Variants in ADAM19 observed in about 807,000 individuals in gnomAD.
ADAM19 encodes disintegrin and metalloproteinase domain-containing protein 19.
A neutral mutation model predicts 114.7 loss-of-function variants in ADAM19; 65 were observed. The observed-to-expected ratio is 0.57, with a 90% CI of 0.46 to 0.70. ADAM19 has a LOEUF of 0.70. Ranked by LOEUF, ADAM19 falls within the 30% of genes least tolerant of loss-of-function variation. ADAM19 has a pLI of 0.00. For synonymous variants in ADAM19, 466 were observed against 460.5 expected, an observed-to-expected ratio of 1.01 and a Z score of -0.15; for missense variants, 1,063 against 1,204.7, an observed-to-expected ratio of 0.88 and a Z score of 1.74.
intron 3 of ADAM19, among the ~76,000 whole-genome samples, chr5:157,541,323 G>A (rs1756912408): frequency 1.3e-5 from 2 of 152,208 alleles, no homozygotes; most frequent in African/African-American, 4.8e-5. Context: ...AGAAAGGACT[G>A]TGCAAGATTT....
intron 14 of ADAM19, among the ~76,000 whole-genome samples, chr5:157,495,883 C>T (rs1412622633): frequency 2.0e-5 from 3 of 151,154 alleles, no homozygotes; most frequent in African/African-American, 7.3e-5. Flanking sequence ...ATCCACCTGC[C>T]TTGGCCTCCC....
intron 2 of ADAM19, among the ~76,000 whole-genome samples, chr5:157,565,057 G>A (rs1380408958): frequency 6.6e-6 from 1 of 152,116 alleles, no homozygotes; most frequent in Non-Finnish European, 1.5e-5. Flanking sequence ...CTCAGAGGAA[G>A]CAACTAAGAG....
At chr5:157,490,931 AGATTT>A (rs1402921360) in intron 18 of ADAM19, among the ~76,000 whole-genome samples, 4 of 151,850 alleles carry the variant, frequency 2.6e-5, no homozygotes, top group Non-Finnish European at 5.9e-5. Flanking sequence ...AGACTCAGAC[AGATTT>A]AAGACTAGAC....
intron 16 of ADAM19, 66 bp from the exon 17 acceptor site, chr5:157,491,978 A>G: frequency 6.5e-7 from 1 of 1,541,606 alleles, no homozygotes; most frequent in African/African-American, 1.4e-5. Flanking sequence ...TTAGGAGGCA[A>G]GATTTTGCAC....
rs78785601 is a variant in ADAM19, at chr5:157,487,459, C to G, written c.2550+806G>C. Among the ~76,000 whole-genome samples, 1,236 of 152,284 alleles carry G rather than the reference C, an allele frequency of 8.1e-3. 10 individuals carry two copies. The highest frequency in any genetic ancestry group is 0.027 in the African/African-American group (1,140 of 41,554). On this transcript the variant is annotated intron_variant, in intron 21 of 22. Coordinates refer to ENST00000257527, the MANE Select transcript of ADAM19 (RefSeq NM_033274.5). Reference sequence around the variant, plus strand: ...TTCCATGGAGCCCTCTGGATTACACCCAGAGAAAGCAGTCTCAGTTGAGGG... The same window carrying G: ...TTCCATGGAGCCCTCTGGATTACACGCAGAGAAAGCAGTCTCAGTTGAGGG...
At position 157,527,793 on chromosome 5, in the gene ADAM19, G is replaced by A. The variant is rs538799030; in HGVS notation, c.407+3014C>T. On this transcript the variant is annotated intron_variant, in intron 5 of 22. Transcript: ENST00000257527. ...GGGGGAAAATCTGGAAATCTGGGGT[G>A]AGAAAGAGATGTTATCTTTCATTGT... Among the ~76,000 whole-genome samples the A allele has an allele frequency of 5.3e-5, 8 of 152,316 alleles. No homozygotes were observed. In the East Asian group the frequency reaches 1.5e-3, roughly 29 times the overall value.
chr5:157,492,925 C>A, intron 16 of ADAM19, 48 bp downstream of exon 16: 1 of 1,599,062 alleles, frequency 6.3e-7, no homozygotes, highest in Non-Finnish European at 8.6e-7. Context: ...ACTTCTCAAT[C>A]ACTCTGCTCT....
Position 157,532,491 on chromosome 5 carries a change from C to T in ADAM19, c.331-1608G>A, listed in dbSNP as rs79785074. Among the ~76,000 whole-genome samples the T allele has an allele frequency of 6.4e-4, 97 of 152,278 alleles. 3 individuals carry two copies. In the East Asian group the frequency reaches 0.017, roughly 26 times the overall value. On this transcript the variant is annotated intron_variant, in intron 4 of 22. Transcript: ENST00000257527. ...GGGGTGAAATCAGGACGGTGTCCAA[C>T]GAATCAGGGGTAACAACAAGAGACA...
Position 157,575,769 on chromosome 5 carries a change from C to T in ADAM19, c.-73G>A. On this transcript the variant is annotated 5_prime_UTR_variant, in exon 1 of 23. Transcript: ENST00000257527. ...CCTGCCCACTGCCCGGCGGTGGAGG[C>T]GCGTCTGGAACCCCCCGGCTCGCCC... 2.6e-6 allele frequency: 3 copies of T among 1,140,026 alleles called. No individual in the cohort carries two copies. The highest frequency in any genetic ancestry group is 3.8e-5 in the South Asian group (1 of 26,410). 70.6% of individuals were successfully genotyped at this position (1,140,026 alleles called of 1,614,324 possible).
At chr5:157,523,516 A>T (rs1447092200) in intron 5 of ADAM19, among the ~76,000 whole-genome samples, 1 of 152,080 alleles carries the variant, frequency 6.6e-6, no homozygotes, top group Non-Finnish European at 1.5e-5. Flanking sequence ...GCTGGTTATT[A>T]AAAAGAGCCT....
At chr5:157,483,676 C>A (rs980709872) in intron 21 of ADAM19, among the ~76,000 whole-genome samples, 1 of 151,816 alleles carries the variant, frequency 6.6e-6, no homozygotes, top group Admixed American at 6.6e-5. Context: ...CTCTGTCCCC[C>A]AGGCTGGAGT....
chr5:157,571,111 C>A (rs995979721), intron 1 of ADAM19, 131 bp from the exon 2 acceptor site: 8 of 702,180 alleles, frequency 1.1e-5, no homozygotes, highest in Non-Finnish European at 1.7e-5. Flanking sequence ...GCTCTTGGCA[C>A]TTCCTAGGAA....
In ADAM19 at chr5:157,508,856, C is replaced by G. The variant is rs546598225; in HGVS notation, c.905+445G>C. ...CACTTGGACTCTCTCAAGCACTCAG[C>G]CTTGTGCCCCTTGGGAACCAAGTGA... On this transcript the variant is annotated intron_variant, in intron 9 of 22. Transcript: ENST00000257527. 8.8e-4 allele frequency among the ~76,000 whole-genome samples: 134 copies of G among 152,306 alleles called. 1 individual carries two copies. Among genetic ancestry groups the G allele is most frequent in the Non-Finnish European group, 8.1e-4 (55 of 68,030 alleles).
chr5:157,542,817 T>C (rs147713953), intron 3 of ADAM19, among the ~76,000 whole-genome samples: 2 of 152,246 alleles, frequency 1.3e-5, no homozygotes, highest in East Asian at 3.9e-4. Context: ...AACATTAAAT[T>C]AAAAAACACT....
chr5:157,570,301 AAC>A (rs199878295), intron 2 of ADAM19: 6 of 147,550 alleles, frequency 4.1e-5, no homozygotes, highest in South Asian at 2.2e-4. Context: ...AAAAACAAAA[AAC>A]AAAAACCAGA....
At chr5:157,567,546 C>T (rs1236576630) in intron 2 of ADAM19, among the ~76,000 whole-genome samples, 1 of 152,138 alleles carries the variant, frequency 6.6e-6, no homozygotes, top group Admixed American at 6.5e-5. Context: ...GCCTGTAATC[C>T]CAACACTTTG....
At chr5:157,512,820 G>A (rs972181239) in intron 8 of ADAM19, among the ~76,000 whole-genome samples, 8 of 152,132 alleles carry the variant, frequency 5.3e-5, no homozygotes, top group East Asian at 1.9e-4. Context: ...CAGACAATCC[G>A]CTTCTCAAGC....
chr5:157,567,119 G>A (rs756254718), intron 2 of ADAM19, among the ~76,000 whole-genome samples: 3 of 152,138 alleles, frequency 2.0e-5, no homozygotes, highest in Non-Finnish European at 4.4e-5. Flanking sequence ...AGCCTACCTC[G>A]TCTAAGCACA....
At position 157,477,393 on chromosome 5, in the gene ADAM19, G is replaced by A; in HGVS notation, c.*3556C>T. The A allele has an allele frequency of 9.8e-7, 1 of 1,016,204 alleles. No homozygotes were observed. Among genetic ancestry groups the A allele is most frequent in the Non-Finnish European group, 1.2e-6 (1 of 846,758 alleles). 62.9% of individuals were successfully genotyped at this position (1,016,204 alleles called of 1,614,324 possible). A position where few individuals can be genotyped will look rare whatever the true frequency, so the allele number is the denominator to read the frequency against. On this transcript the variant is annotated 3_prime_UTR_variant, in exon 23 of 23. Coordinates refer to ENST00000257527, the MANE Select transcript of ADAM19 (RefSeq NM_033274.5). Reference sequence around the variant, plus strand: ...GCCCATTCAAGTATTTTGCATAGATGTACAAATATTGTAAACAATTAATAG... The same window carrying A: ...GCCCATTCAAGTATTTTGCATAGATATACAAATATTGTAAACAATTAATAG...
Sources: gnomAD v4.1 joint callset for allele counts (sites outside exome capture counted in the v4.1 genomes callset) on GRCh38, gnomAD v4.1.1 for gene constraint, MANE v1.5 for transcripts, NCBI Gene and HGNC (gene_info 2026-07-23, HGNC 2026-07-21) for gene names.